RBFOX1: variants seen among roughly 807,000 people sequenced by gnomAD.
RBFOX1 encodes RNA binding fox-1 homolog 1.
In RBFOX1, 8 loss-of-function variants were observed where a neutral mutation model predicts 57.7. That is an observed-to-expected ratio of 0.14 (90% confidence interval 0.08 to 0.25). RBFOX1 has a LOEUF of 0.25. RBFOX1 is among the 10% of genes least tolerant of loss of function. The pLI, the probability that RBFOX1 is intolerant of heterozygous loss-of-function variation, is 1.00. For missense variants in RBFOX1, 611 were observed against 548.5 expected, an observed-to-expected ratio of 1.11 and a Z score of -1.14; for synonymous variants, 326 against 222.4, an observed-to-expected ratio of 1.47 and a Z score of -4.15.
intron 2 of RBFOX1, among the ~76,000 whole-genome samples, chr16:6,459,693 C>A: frequency 6.6e-6 from 1 of 151,812 alleles, no homozygotes; most frequent in East Asian, 1.9e-4. Context: ...AAATCTTGCT[C>A]TTGCCGGGCA....
At chr16:6,467,600 ATGT>A (rs931713531) in intron 2 of RBFOX1, among the ~76,000 whole-genome samples, 2 of 152,170 alleles carry the variant, frequency 1.3e-5, no homozygotes, top group African/African-American at 4.8e-5. Context: ...TGGAGGAAAA[ATGT>A]TGTTTCCTAT....
chr16:5,612,792 C>A (rs2047872137), intron 3 of RBFOX1, among the ~76,000 whole-genome samples: 1 of 152,240 alleles, frequency 6.6e-6, no homozygotes. Flanking sequence ...GGTGAGGATG[C>A]TGGTCTTTAA....
intron 4 of RBFOX1, among the ~76,000 whole-genome samples, chr16:7,083,117 A>G (rs937004063): frequency 5.9e-5 from 9 of 152,214 alleles, no homozygotes; most frequent in African/African-American, 2.2e-4. Context: ...TGAGGAATTG[A>G]TTGAATCATC....
intron 2 of RBFOX1, among the ~76,000 whole-genome samples, chr16:6,614,129 A>G (rs749306044): frequency 6.6e-5 from 10 of 152,194 alleles, no homozygotes; most frequent in Non-Finnish European, 1.0e-4. Context: ...TTCCCAAAAA[A>G]TATTGAATTT....
At chr16:6,723,609 T>G (rs777798800) in intron 3 of RBFOX1, 1 of 152,212 alleles carries the variant, frequency 6.6e-6, no homozygotes, top group Non-Finnish European at 1.5e-5. Context: ...GAGTGAGCCC[T>G]GTTGTATATT....
intron 3 of RBFOX1, among the ~76,000 whole-genome samples, chr16:6,818,656 C>G (rs976498511): frequency 6.6e-6 from 1 of 152,056 alleles, no homozygotes; most frequent in South Asian, 2.1e-4. Flanking sequence ...ATTCATTTTT[C>G]CCCCCTTCTT....
At chr16:6,832,543 G>A (rs1243909750) in intron 3 of RBFOX1, among the ~76,000 whole-genome samples, 1 of 152,178 alleles carries the variant, frequency 6.6e-6, no homozygotes, top group African/African-American at 2.4e-5. Flanking sequence ...TGCTTAGTAT[G>A]AATGTCTTGG....
intron 4 of RBFOX1, among the ~76,000 whole-genome samples, chr16:7,511,906 C>A (rs1417771226): frequency 6.6e-6 from 1 of 152,148 alleles, no homozygotes; most frequent in Non-Finnish European, 1.5e-5. Context: ...TTTCATCCTC[C>A]TTTTGTGTAT....
chr16:6,988,339 C>G (rs1425334460), intron 3 of RBFOX1, among the ~76,000 whole-genome samples: 1 of 152,098 alleles, frequency 6.6e-6, no homozygotes, highest in African/African-American at 2.4e-5. Flanking sequence ...TGTTTATAAT[C>G]TTACTGTCCA....
chr16:6,936,176 G>A (rs540318443), intron 3 of RBFOX1, among the ~76,000 whole-genome samples: 3 of 152,272 alleles, frequency 2.0e-5, no homozygotes, highest in East Asian at 3.9e-4. Context: ...CAGTCATTGC[G>A]AGTTGTGCAA....
chr16:7,410,539 G>C (rs536804088), intron 4 of RBFOX1, among the ~76,000 whole-genome samples: 5 of 152,148 alleles, frequency 3.3e-5, no homozygotes, highest in African/African-American at 7.2e-5. Flanking sequence ...AAATTAGCTG[G>C]GAGTGGTGGT....
chr16:6,096,512 T>C (rs2096247004), intron 1 of RBFOX1, among the ~76,000 whole-genome samples: 1 of 152,188 alleles, frequency 6.6e-6, no homozygotes, highest in South Asian at 2.1e-4. Context: ...AGCAATGATT[T>C]TGGAATTCCT....
intron 1 of RBFOX1, among the ~76,000 whole-genome samples, chr16:5,360,397 C>T (rs546387618): frequency 3.9e-5 from 6 of 152,226 alleles, no homozygotes; most frequent in Admixed American, 6.5e-5. Context: ...TCAATGTGCA[C>T]GTGGTTTCCT....
intron 3 of RBFOX1, among the ~76,000 whole-genome samples, chr16:5,669,455 G>T (rs563036857): frequency 7.8e-6 from 1 of 129,002 alleles, no homozygotes; most frequent in East Asian, 2.2e-4. Context: ...ACAGAGTCTC[G>T]TTCTGTTAGG....
rs148509940 is a variant in RBFOX1, at chr16:7,138,237, T to TGG, written c.27+86140_27+86141dup. Among the ~76,000 whole-genome samples, 1,304 of 152,116 alleles carry TGG rather than the reference T, an allele frequency of 8.6e-3. 9 individuals are homozygous for TGG. Among genetic ancestry groups the TGG allele is most frequent in the Non-Finnish European group, 0.015 (997 of 68,002 alleles). On this transcript the variant is annotated intron_variant, in intron 4 of 15. Transcript: ENST00000550418. ...AAGGAATACCTGAAGTCATGAGAGATGGTAAGATTGCTGAGAGGGTGCAGA... is the reference window on the plus strand; with the variant it reads ...AAGGAATACCTGAAGTCATGAGAGATGGGGTAAGATTGCTGAGAGGGTGCAGA...
At chr16:5,279,565 A>T (rs2063221158) in intron 1 of RBFOX1, among the ~76,000 whole-genome samples, 1 of 152,018 alleles carries the variant, frequency 6.6e-6, no homozygotes, top group Non-Finnish European at 1.5e-5. Flanking sequence ...GCAGTGGTGC[A>T]ATCTTGGCTC....
At chr16:5,269,832 A>G (rs1201688049) in intron 1 of RBFOX1, among the ~76,000 whole-genome samples, 1 of 152,200 alleles carries the variant, frequency 6.6e-6, no homozygotes, top group East Asian at 1.9e-4. Flanking sequence ...CCCAAGTTGC[A>G]ATTTTATTCA....
chr16:5,370,840 C>T lies in RBFOX1; in HGVS notation c.220-96376C>T, dbSNP rs368976166. 5.3e-5 allele frequency among the ~76,000 whole-genome samples: 8 copies of T among 152,132 alleles called. 1 individual carries two copies. The South Asian group carries it at 1.5e-3, about 28-fold the overall frequency. On this transcript the variant is annotated intron_variant, in intron 1 of 2. Transcript: ENST00000585867. ...ATCAGCAGTTCCACCCACCATCCCCCAATTTTTAGCAGGCACATGACTCCC... is the reference window on the plus strand; with the variant it reads ...ATCAGCAGTTCCACCCACCATCCCCTAATTTTTAGCAGGCACATGACTCCC...
chr16:6,974,254 C>A (rs952570029), intron 3 of RBFOX1, among the ~76,000 whole-genome samples: 22 of 150,486 alleles, frequency 1.5e-4, no homozygotes, highest in Admixed American at 6.0e-4. Context: ...TGCAGAGAGG[C>A]ATGTGGTACA....
Sources: allele counts gnomAD v4.1 joint callset (sites outside exome capture counted in the v4.1 genomes callset), GRCh38; gene constraint gnomAD v4.1.1; transcripts MANE v1.5; gene names NCBI Gene and HGNC (gene_info 2026-07-23, HGNC 2026-07-21).